DCHS2: variants seen among roughly 807,000 people sequenced by gnomAD.
DCHS2 encodes the protein protocadherin-23.
Under a neutral mutation model 182.4 loss-of-function variants are expected in DCHS2, and 142 were observed. That is an observed-to-expected ratio of 0.78 (90% CI 0.68 to 0.89). DCHS2 has a LOEUF of 0.89. DCHS2 is among the 40% of genes least tolerant of loss of function. The pLI, the probability that DCHS2 is intolerant of heterozygous loss-of-function variation, is 0.00. For missense variants in DCHS2, 4,319 were observed against 4,198.6 expected (o/e 1.03, Z -0.79); for synonymous variants, 1,740 against 1,663.3 (o/e 1.05, Z -1.12).
At position 154,242,768 on chromosome 4, in the gene DCHS2, TC is replaced by T. The variant is rs765037661; in HGVS notation, c.6945del (p.Ile2316LeufsTer17). On this transcript the variant is annotated frameshift_variant, in exon 17 of 20. Transcript: ENST00000357232. LOFTEE classifies it high-confidence loss of function. ...ATCCCTTTATCTGTGGCTTGGACAATCAAGCTGGTTTGGAAAAAGAATCAAA... is the reference window on the plus strand; with the variant it reads ...ATCCCTTTATCTGTGGCTTGGACAATAAGCTGGTTTGGAAAAAGAATCAAA... ...LDYELTSSYS[L>X]IVQATDKGMP... The T allele has an allele frequency of 3.1e-6, 5 of 1,603,596 alleles. No individual in the cohort carries two copies. The highest frequency in any genetic ancestry group is 4.2e-6 in the Non-Finnish European group (5 of 1,176,498).
intron 1 of DCHS2, among the ~76,000 whole-genome samples, chr4:154,385,541 G>A (rs765603461): frequency 6.6e-5 from 10 of 152,142 alleles, no homozygotes; most frequent in Non-Finnish European, 1.3e-4. Flanking sequence ...AGGCTGGAGT[G>A]CAGTAGCACA....
At chr4:154,382,829 T>C (rs1261819374) in intron 1 of DCHS2, among the ~76,000 whole-genome samples, 1 of 152,126 alleles carries the variant, frequency 6.6e-6, no homozygotes, top group African/African-American at 2.4e-5. Flanking sequence ...ATAGCTATTA[T>C]TGAAAAGTCA....
chr4:154,490,483 G>C lies in DCHS2; in HGVS notation c.873C>G (p.Asp291Glu), dbSNP rs1164927933. Residue 291 changes from aspartate to glutamate, a missense_variant, in exon 1 of 20, where the codon GAC becomes GAG. Transcript: ENST00000357232. ...CGTCCTGCTCAAAGACCGGCGGGTTGTCGTTCTCATCCAGCACGCGCAGCT... is the reference window on the plus strand; with the variant it reads ...CGTCCTGCTCAAAGACCGGCGGGTTCTCGTTCTCATCCAGCACGCGCAGCT... ...SVELRVLDEN[D>E]NPPVFEQDEY... 6.5e-7 allele frequency: 1 copy of C among 1,536,668 alleles called. No homozygotes were observed. The highest frequency in any genetic ancestry group is 1.2e-5 in the South Asian group (1 of 83,984).
At chr4:154,487,270 G>A (rs116118544) in intron 1 of DCHS2, among the ~76,000 whole-genome samples, 2,334 of 152,168 alleles carry the variant, frequency 0.015, 58 homozygotes, top group African/African-American at 0.052. Context: ...GGCATACCCG[G>A]GCTCCTCTAC....
chr4:154,444,698 G>A (rs948551154), intron 1 of DCHS2, among the ~76,000 whole-genome samples: 23 of 152,180 alleles, frequency 1.5e-4, no homozygotes, highest in Non-Finnish European at 1.5e-5. Flanking sequence ...GGATAAATCA[G>A]ATCATGTCAC....
In DCHS2 at chr4:154,234,645, G is replaced by A. The variant is rs139235484; in HGVS notation, c.10007C>T (p.Thr3336Met). Residue 3336 changes from threonine to methionine, a missense_variant, in exon 20 of 20, where the codon ACG (threonine) becomes ATG (methionine). Transcript: ENST00000357232. The stretch of plus-strand genomic sequence containing the variant: ...TGGAGACAAGGCAGGAGGCTGCATC[G>A]TCAATAGGGAAAGAGATGGAGAAAA... The part of the protein sequence containing the change: ...PNFSPSLSLL[T>M]MQPPALSPLL... 2.7e-4 allele frequency: 430 copies of A among 1,614,004 alleles called. No homozygotes were observed. The African/African-American group carries it at 4.3e-3, about 16-fold the overall frequency.
chr4:154,297,110 C>T (rs1734960202), intron 13 of DCHS2, among the ~76,000 whole-genome samples: 1 of 152,196 alleles, frequency 6.6e-6, no homozygotes, highest in Admixed American at 6.5e-5. Flanking sequence ...CTTGAAATGT[C>T]AATCAATATT....
intron 1 of DCHS2, among the ~76,000 whole-genome samples, chr4:154,393,223 A>G (rs1310907187): frequency 6.6e-6 from 1 of 152,194 alleles, no homozygotes; most frequent in African/African-American, 2.4e-5. Flanking sequence ...AGACCAACAG[A>G]TAACTCTAAA....
intron 3 of DCHS2, chr4:154,343,772 T>G: frequency 9.9e-7 from 1 of 1,007,152 alleles, no homozygotes; most frequent in Admixed American, 4.2e-5. Flanking sequence ...TTTTGCTTTC[T>G]TATCATTTTT....
chr4:154,449,512 A>C (rs1734446237), intron 1 of DCHS2, among the ~76,000 whole-genome samples: 1 of 151,964 alleles, frequency 6.6e-6, no homozygotes, highest in South Asian at 2.1e-4. Context: ...CTGGGACTAC[A>C]GGTGCGTGCC....
chr4:154,452,313 C>T (rs1045791369), intron 1 of DCHS2, among the ~76,000 whole-genome samples: 2 of 152,116 alleles, frequency 1.3e-5, no homozygotes, highest in African/African-American at 4.8e-5. Context: ...CATGTATTAA[C>T]TTGTCAATTT....
chr4:154,485,888 G>C (rs1305347228), intron 1 of DCHS2, among the ~76,000 whole-genome samples: 1 of 152,166 alleles, frequency 6.6e-6, no homozygotes, highest in African/African-American at 2.4e-5. Flanking sequence ...GTGGAGGATG[G>C]AGCTCTTGTC....
At chr4:154,408,853 C>T (rs1293564306) in intron 1 of DCHS2, among the ~76,000 whole-genome samples, 2 of 152,186 alleles carry the variant, frequency 1.3e-5, no homozygotes, top group African/African-American at 4.8e-5. Context: ...GTCCTCATCA[C>T]CACTTTTGAC....
intron 17 of DCHS2, among the ~76,000 whole-genome samples, chr4:154,241,093 C>T (rs947903162): frequency 1.3e-5 from 2 of 152,062 alleles, no homozygotes; most frequent in Admixed American, 6.6e-5. Flanking sequence ...TATATGCTTA[C>T]AACACAATTC....
intron 1 of DCHS2, among the ~76,000 whole-genome samples, chr4:154,462,000 G>T (rs1735027439): frequency 6.6e-6 from 1 of 152,168 alleles, no homozygotes; most frequent in Admixed American, 6.5e-5. Flanking sequence ...GGGAGGTCAT[G>T]CTTTTAAAAT....
intron 1 of DCHS2, among the ~76,000 whole-genome samples, chr4:154,408,566 C>T (rs1463426408): frequency 1.3e-5 from 2 of 152,042 alleles, no homozygotes; most frequent in African/African-American, 4.8e-5. Context: ...TGCAATAAAG[C>T]AAGATAGCCA....
At chr4:154,265,711 T>C (rs138379872) in intron 14 of DCHS2, among the ~76,000 whole-genome samples, 8 of 152,194 alleles carry the variant, frequency 5.3e-5, no homozygotes, top group African/African-American at 1.4e-4. Flanking sequence ...TGTATGTTAA[T>C]TGGCTCAATT....
chr4:154,457,686 T>C (rs1451199833), intron 1 of DCHS2, among the ~76,000 whole-genome samples: 1 of 152,224 alleles, frequency 6.6e-6, no homozygotes, highest in African/African-American at 2.4e-5. Flanking sequence ...GTGAGCTGAA[T>C]TGACAAGTGA....
rs267600050 is a variant in DCHS2, at chr4:154,235,471, C to T, written c.9181G>A (p.Glu3061Lys). The change falls in exon 20 of 20, where the codon GAG becomes AAG. Residue 3061 changes from glutamate to lysine, a missense_variant. Glu to Lys is a moderately conservative substitution (Grantham distance 56). Coordinates refer to ENST00000357232, the MANE Select transcript of DCHS2 (RefSeq NM_001358235.2). ...GGAGTGGCATCCACAGGGACCACCT[C>T]GTTACTGCAGTCGTCAGTTTTCTGG... The part of the protein sequence containing the change: ...AFQKTDDCSN[E>K]VVPVDATPEW... 1.2e-5 allele frequency: 19 copies of T among 1,613,918 alleles called. No individual in the cohort carries two copies. The East Asian group carries it at 2.0e-4, about 17-fold the overall frequency.
Sources: gnomAD v4.1 joint callset for allele counts (sites outside exome capture counted in the v4.1 genomes callset) on GRCh38, gnomAD v4.1.1 for gene constraint, MANE v1.5 for transcripts, NCBI Gene and HGNC (gene_info 2026-07-23, HGNC 2026-07-21) for gene names.